C12orf42: variants seen among roughly 807,000 people sequenced by gnomAD.
C12orf42 encodes the protein chromosome 12 open reading frame 42, also known as uncharacterized protein C12orf42.
Under a neutral mutation model 21.6 loss-of-function variants are expected in C12orf42, and 25 were observed. The observed-to-expected ratio is 1.16, with a 90% CI of 0.84 to 1.62. The LOEUF is 1.62. Ranked by LOEUF, C12orf42 falls within the 40% of genes most tolerant of loss-of-function variation. The pLI is 0.00. For synonymous variants in C12orf42, 174 were observed against 175.0 expected (o/e 0.99, Z 0.05); for missense variants, 483 against 459.3 (o/e 1.05, Z -0.47).
At chr12:103,255,966 T>C (rs1312067788) in intron 10 of C12orf42, among the ~76,000 whole-genome samples, 3 of 139,534 alleles carry the variant, frequency 2.2e-5, no homozygotes, top group African/African-American at 8.1e-5. Flanking sequence ...GGCAGGAGAA[T>C]GGCGTGAACC....
At chr12:103,541,760 T>A in the C12orf42 span, among the ~76,000 whole-genome samples, 17 of 152,356 alleles carry the variant, frequency 1.1e-4, no homozygotes, top group South Asian at 2.7e-3. Context: ...GTGCTTGATT[T>A]AATCTTTTTT....
intron 10 of C12orf42, among the ~76,000 whole-genome samples, chr12:103,251,251 C>A (rs1473348402): frequency 6.6e-6 from 1 of 152,062 alleles, no homozygotes; most frequent in Non-Finnish European, 1.5e-5. Flanking sequence ...CTTTCCCAAC[C>A]CCACTATAGC....
intron 2 of C12orf42, among the ~76,000 whole-genome samples, chr12:103,439,215 C>T (rs12426617): frequency 6.6e-6 from 1 of 151,388 alleles, no homozygotes; most frequent in African/African-American, 2.4e-5. Flanking sequence ...ATGTAGAAAG[C>T]TGAAACTGGA....
At chr12:103,353,896 G>A (rs762999229) in intron 4 of C12orf42, among the ~76,000 whole-genome samples, 1 of 152,160 alleles carries the variant, frequency 6.6e-6, no homozygotes, top group Non-Finnish European at 1.5e-5. Flanking sequence ...TTTAGTGTGA[G>A]AGGAATGGGA....
At chr12:103,097,801 C>T in the C12orf42 span, among the ~76,000 whole-genome samples, 1 of 152,220 alleles carries the variant, frequency 6.6e-6, no homozygotes, top group Non-Finnish European at 1.5e-5. Context: ...TAAAGTCCCC[C>T]AAAGAAATGC....
chr12:103,085,905 A>C, the C12orf42 span, among the ~76,000 whole-genome samples: 1 of 152,162 alleles, frequency 6.6e-6, no homozygotes, highest in Non-Finnish European at 1.5e-5. Flanking sequence ...AAAACACTTC[A>C]GTCCTATTTT....
At chr12:103,085,838 C>A in the C12orf42 span, among the ~76,000 whole-genome samples, 1 of 152,098 alleles carries the variant, frequency 6.6e-6, no homozygotes, top group Non-Finnish European at 1.5e-5. Flanking sequence ...TGGCACTAAC[C>A]CTGGTGTGAT....
the C12orf42 span, among the ~76,000 whole-genome samples, chr12:103,121,652 T>C: frequency 1.3e-5 from 2 of 152,188 alleles, no homozygotes; most frequent in African/African-American, 4.8e-5. Context: ...AGGAGTGTGA[T>C]CCTCCACTCA....
At chr12:103,343,721 C>T (rs1028982625) in intron 4 of C12orf42, among the ~76,000 whole-genome samples, 1 of 149,690 alleles carries the variant, frequency 6.7e-6, no homozygotes, top group Admixed American at 6.7e-5. Flanking sequence ...TTGCAGTGAG[C>T]CAAGATCACA....
At chr12:103,540,724 C>T in the C12orf42 span, among the ~76,000 whole-genome samples, 3 of 152,066 alleles carry the variant, frequency 2.0e-5, no homozygotes, top group Non-Finnish European at 4.4e-5. Context: ...TTTTTTTAAA[C>T]CCAGTCTGAC....
chr12:103,223,935 G>A, the C12orf42 span, among the ~76,000 whole-genome samples: 18 of 152,296 alleles, frequency 1.2e-4, no homozygotes, highest in South Asian at 4.1e-4. Flanking sequence ...ACGGAGGACC[G>A]TAAGGGATAT....
At chr12:103,060,073 T>C in the C12orf42 span, among the ~76,000 whole-genome samples, 18 of 152,178 alleles carry the variant, frequency 1.2e-4, no homozygotes, top group Non-Finnish European at 2.4e-4. Context: ...ATTCTATATA[T>C]AGAATACCCC....
the C12orf42 span, among the ~76,000 whole-genome samples, chr12:103,216,098 C>T: frequency 6.6e-6 from 1 of 151,148 alleles, no homozygotes; most frequent in Non-Finnish European, 1.5e-5. Flanking sequence ...GAAGTTTGGA[C>T]TCTCTGGCAT....
chr12:103,224,856 A>G, the C12orf42 span, among the ~76,000 whole-genome samples: 3 of 152,186 alleles, frequency 2.0e-5, no homozygotes, highest in East Asian at 5.8e-4. Context: ...TTGTGTAAGA[A>G]TTCTGACCAC....
At chr12:103,229,450 A>T in the C12orf42 span, among the ~76,000 whole-genome samples, 1 of 151,814 alleles carries the variant, frequency 6.6e-6, no homozygotes, top group South Asian at 2.1e-4. Context: ...GAAGAGAGAG[A>T]ATGGAACAGT....
intron 10 of C12orf42, among the ~76,000 whole-genome samples, chr12:103,238,101 G>T (rs2033538944): frequency 6.6e-6 from 1 of 152,102 alleles, no homozygotes; most frequent in Admixed American, 6.6e-5. Flanking sequence ...GGACTAATAT[G>T]GCCATGGCTT....
At chr12:103,379,046 GAGA>G (rs1385123827) in intron 3 of C12orf42, among the ~76,000 whole-genome samples, 2 of 152,034 alleles carry the variant, frequency 1.3e-5, no homozygotes, top group Non-Finnish European at 2.9e-5. Context: ...ACCACCCACA[GAGA>G]AGAAGGAGAT....
the C12orf42 span, among the ~76,000 whole-genome samples, chr12:103,144,689 G>A: frequency 6.6e-6 from 1 of 152,134 alleles, no homozygotes; most frequent in South Asian, 2.1e-4. Context: ...ATCTTGATGG[G>A]GGGAGGAGAA....
chr12:103,163,816 G>A, the C12orf42 span, among the ~76,000 whole-genome samples: 1 of 152,196 alleles, frequency 6.6e-6, no homozygotes, highest in South Asian at 2.1e-4. Context: ...TGTAAAATTG[G>A]GATAGTTAAA....
Sources: gnomAD v4.1 joint callset for allele counts (sites outside exome capture counted in the v4.1 genomes callset) on GRCh38, gnomAD v4.1.1 for gene constraint, MANE v1.5 for transcripts, NCBI Gene and HGNC (gene_info 2026-07-23, HGNC 2026-07-21) for gene names.